Variants in WDR33 observed in about 807,000 individuals in gnomAD.
WDR33 encodes the protein WD repeat domain 33.
Under a neutral mutation model 164.9 loss-of-function variants are expected in WDR33, and 47 were observed. The observed-to-expected ratio is 0.29, with a 90% CI of 0.23 to 0.36. The LOEUF (loss-of-function observed/expected upper bound fraction) is 0.36, where lower values mean the gene tolerates loss of function less well. Among genes scored for constraint, WDR33 ranks in the 10% least tolerant of loss-of-function variants. The pLI is 1.00. For synonymous variants in WDR33, 505 were observed against 589.0 expected, an observed-to-expected ratio of 0.86 and a Z score of 2.06; for missense variants, 1,137 against 1,754.1, an observed-to-expected ratio of 0.65 and a Z score of 6.28.
Position 127,726,797 on chromosome 2 carries a change from A to G in WDR33, c.725-20T>C. On this transcript the variant is annotated intron_variant, in intron 7 of 21. Transcript: ENST00000322313. The surrounding 1 kb of genome is among the most constrained non-coding windows in gnomAD (Gnocchi z 4.8). ...CATGCCCTGTCGGAAACAAGTTAGG[A>G]TTAAAACCTAATTAGTTACATGCAT... 6.2e-7 allele frequency: 1 copy of G among 1,613,106 alleles called. No homozygotes were observed. The highest frequency in any genetic ancestry group is 8.5e-7 in the Non-Finnish European group (1 of 1,179,602).
At chr2:127,730,849 T>G (rs1221688827) in intron 7 of WDR33, among the ~76,000 whole-genome samples, 1 of 152,180 alleles carries the variant, frequency 6.6e-6, no homozygotes, top group African/African-American at 2.4e-5. Context: ...ATTGTGGTTT[T>G]AAGAATAAAC....
intron 7 of WDR33, among the ~76,000 whole-genome samples, chr2:127,730,905 G>T (rs908924318): frequency 1.7e-4 from 25 of 145,322 alleles, no homozygotes; most frequent in East Asian, 7.8e-4. Context: ...GATTTTTTTT[G>T]TTTGTTTGTT....
At chr2:127,801,154 T>C (rs116501348) in intron 1 of WDR33, among the ~76,000 whole-genome samples, 3,220 of 150,524 alleles carry the variant, frequency 0.021, 125 homozygotes, top group African/African-American at 0.075. Flanking sequence ...CATGGTGACA[T>C]ACACCTGTTG....
Position 127,710,363 on chromosome 2 carries a change from T to C in WDR33, c.3309-507A>G, listed in dbSNP as rs575678707. Among the ~76,000 whole-genome samples the C allele has an allele frequency of 1.8e-4, 27 of 152,102 alleles. No homozygotes were observed. The highest frequency in any genetic ancestry group is 3.5e-4 in the Non-Finnish European group (24 of 68,008). The stretch of plus-strand genomic sequence containing the variant: ...CATTTATGACATATAATCAGAAAAA[T>C]GGGGGCACAGATCGTGTCTGCCAAC... On this transcript the variant is annotated intron_variant, in intron 18 of 21. Transcript: ENST00000322313. The surrounding 1 kb of genome is among the most constrained non-coding windows in gnomAD (Gnocchi z 4.4).
intron 7 of WDR33, among the ~76,000 whole-genome samples, chr2:127,747,514 A>T (rs1687200934): frequency 6.6e-6 from 1 of 152,224 alleles, no homozygotes; most frequent in South Asian, 2.1e-4. Context: ...TGAGCACTCA[A>T]CGTTAGCATA....
chr2:127,761,307 T>C (rs1687667291), intron 7 of WDR33, among the ~76,000 whole-genome samples: 1 of 151,918 alleles, frequency 6.6e-6, no homozygotes, highest in African/African-American at 2.4e-5. Flanking sequence ...TTCACACCAG[T>C]CTCCTGCCTC....
chr2:127,742,894 A>G (rs1451071226), intron 7 of WDR33, among the ~76,000 whole-genome samples: 1 of 151,622 alleles, frequency 6.6e-6, no homozygotes, highest in Non-Finnish European at 1.5e-5. Context: ...CACCCCTCAG[A>G]GAAAAGAGAT....
At chr2:127,745,389 T>C (rs1281939752) in intron 7 of WDR33, among the ~76,000 whole-genome samples, 2 of 152,360 alleles carry the variant, frequency 1.3e-5, no homozygotes, top group African/African-American at 4.8e-5. Flanking sequence ...GTGTCTGGTC[T>C]GTACTTCTCA....
At chr2:127,729,495 CTTT>C (rs774362916) in intron 7 of WDR33, among the ~76,000 whole-genome samples, 2 of 144,520 alleles carry the variant, frequency 1.4e-5, no homozygotes. Flanking sequence ...AGAGACTATT[CTTT>C]TTTTTTTTTT....
At position 127,702,500 on chromosome 2, in the gene WDR33, A is replaced by G. The variant is rs964706178; in HGVS notation, c.*3823T>C. On this transcript the variant is annotated 3_prime_UTR_variant, in exon 22 of 22. Transcript: ENST00000322313. ...GGTCTTAGGTTCGGCTGAGTAAAGA[A>G]AAAGGATTTTTCTTCGAGTTAGCTG... The G allele has an allele frequency of 1.5e-5, 3 of 196,684 alleles. No homozygotes were observed. Among genetic ancestry groups the G allele is most frequent in the Admixed American group, 6.2e-5 (1 of 16,246 alleles). The allele number at this position is 196,684 out of a possible 1,614,324, so 12.2% of individuals were successfully genotyped here. A position where few individuals can be genotyped will look rare whatever the true frequency, so the allele number is the denominator to read the frequency against.
chr2:127,797,739 C>T lies in WDR33; in HGVS notation c.-24+13273G>A, dbSNP rs537278413. 7.9e-5 allele frequency among the ~76,000 whole-genome samples: 12 copies of T among 152,228 alleles called. No homozygotes were observed. In the East Asian group the frequency reaches 2.1e-3, roughly 27 times the overall value. On this transcript the variant is annotated intron_variant, in intron 1 of 21. Transcript: ENST00000322313. The stretch of plus-strand genomic sequence containing the variant: ...AGATCACAAGCCAACAGGCCAGGCA[C>T]GGTGGTTCAAGCCTGTAATCCCAAC...
intron 7 of WDR33, among the ~76,000 whole-genome samples, chr2:127,754,300 G>A (rs1313914403): frequency 6.6e-6 from 1 of 152,104 alleles, no homozygotes; most frequent in African/African-American, 2.4e-5. Flanking sequence ...TATCAAATCC[G>A]ACCATCCGTC....
At chr2:127,792,565 G>A (rs913063765) in intron 1 of WDR33, among the ~76,000 whole-genome samples, 1 of 151,988 alleles carries the variant, frequency 6.6e-6, no homozygotes, top group Admixed American at 6.6e-5. Context: ...CTACTCGGGA[G>A]GCTGAGGCAG....
intron 7 of WDR33, chr2:127,762,790 C>A: frequency 9.9e-6 from 12 of 1,217,674 alleles, no homozygotes; most frequent in Non-Finnish European, 1.1e-5. Context: ...AGGAATACAG[C>A]CCTAAAAGAT....
chr2:127,782,226 G>A (rs1003671945), intron 1 of WDR33, among the ~76,000 whole-genome samples: 6 of 151,984 alleles, frequency 3.9e-5, no homozygotes, highest in Non-Finnish European at 7.4e-5. Flanking sequence ...GACCAACATG[G>A]TGACACCCTG....
At position 127,770,988 on chromosome 2, in the gene WDR33, G is replaced by A. The variant is rs770142748; in HGVS notation, c.-7C>T. 40 of 1,613,220 alleles carry A rather than the reference G, an allele frequency of 2.5e-5. No homozygotes were observed. Among genetic ancestry groups the A allele is most frequent in the Non-Finnish European group, 2.9e-5 (34 of 1,179,594 alleles). ...AACCAATTTCTGTAGCCATGGTGAT[G>A]TTTTCCTTCTAGGATACTAGGATAA... On this transcript the variant is annotated 5_prime_UTR_variant, in exon 2 of 22. Coordinates refer to ENST00000322313, the MANE Select transcript of WDR33 (RefSeq NM_018383.5). The surrounding 1 kb of genome is among the most constrained non-coding windows in gnomAD (Gnocchi z 4.9).
rs1217580019 is a variant in WDR33 at position 127,787,641 on chromosome 2, G to A, written c.-23-16637C>T. 9.3e-5 allele frequency among the ~76,000 whole-genome samples: 9 copies of A among 96,432 alleles called. No homozygotes were observed. The South Asian group carries it at 2.6e-3, about 28-fold the overall frequency. The allele number at this position is 96,432 out of a possible 152,430, so 63.3% of individuals were successfully genotyped here. ...CAGAGGCGCCCCTCACCTCCCGGAC[G>A]GGGCGGCTGGCCGGGCGGAGGGCTG... On this transcript the variant is annotated intron_variant, in intron 1 of 21. Coordinates refer to ENST00000322313, the MANE Select transcript of WDR33 (RefSeq NM_018383.5).
At chr2:127,784,814 TC>T (rs2105466713) in intron 1 of WDR33, among the ~76,000 whole-genome samples, 1 of 152,338 alleles carries the variant, frequency 6.6e-6, no homozygotes, top group East Asian at 1.9e-4. Flanking sequence ...AAATACTGGT[TC>T]CAGAGAATTA....
At chr2:127,802,573 C>G (rs1050683483) in intron 1 of WDR33, among the ~76,000 whole-genome samples, 4 of 152,158 alleles carry the variant, frequency 2.6e-5, no homozygotes, top group Non-Finnish European at 4.4e-5. Context: ...TGAGCCACCA[C>G]GCCCAGCCAG....
Sources: allele counts gnomAD v4.1 joint callset (sites outside exome capture counted in the v4.1 genomes callset), GRCh38; gene constraint gnomAD v4.1.1; non-coding constraint Gnocchi (gnomAD v3.1); transcripts MANE v1.5; gene names NCBI Gene and HGNC (gene_info 2026-07-23, HGNC 2026-07-21).